NEO1: variants seen among roughly 807,000 people sequenced by gnomAD.
NEO1 encodes neogenin.
Under a neutral mutation model 159.7 loss-of-function variants are expected in NEO1, and 63 were observed. That is an observed-to-expected ratio of 0.39 (90% CI 0.32 to 0.49). The LOEUF is 0.49. NEO1 is among the 20% of genes least tolerant of loss of function. The probability of loss-of-function intolerance (pLI) is 0.85; values close to 1 mark genes in which losing one functional copy is unlikely to be tolerated. For synonymous variants in NEO1, 633 were observed against 662.0 expected (o/e 0.96, Z 0.67); for missense variants, 1,615 against 1,831.0 (o/e 0.88, Z 2.15).
At chr15:73,194,444 A>G (rs539922938) in intron 7 of NEO1, among the ~76,000 whole-genome samples, 5 of 152,288 alleles carry the variant, frequency 3.3e-5, no homozygotes, top group Admixed American at 2.0e-4. Context: ...TCTGCTTCCA[A>G]TGAGGGCTTC....
chr15:73,253,978 G>A (rs2415148), intron 12 of NEO1, among the ~76,000 whole-genome samples: 46,687 of 152,082 alleles, frequency 0.31, 8,796 homozygotes, highest in Admixed American at 0.44. Flanking sequence ...CCTCTCAGAG[G>A]CCCAGAGCCC....
Position 73,244,508 on chromosome 15 carries a change from C to T in NEO1, c.1606+10C>T, listed in dbSNP as rs1326427199. On this transcript the variant is annotated intron_variant, in intron 9 of 28. Coordinates refer to ENST00000261908, the MANE Select transcript of NEO1 (RefSeq NM_002499.4). Reference sequence around the variant, plus strand: ...GAAACACAACCTGAGGGTAAGTCTTCCACCTGTCTGTCAGCACCCCCTAGA... The same window carrying T: ...GAAACACAACCTGAGGGTAAGTCTTTCACCTGTCTGTCAGCACCCCCTAGA... 3 of 1,612,342 alleles carry T rather than the reference C, an allele frequency of 1.9e-6. No homozygotes were observed. The highest frequency in any genetic ancestry group is 4.5e-5 in the East Asian group (2 of 44,830).
At chr15:73,175,515 T>C (rs1490433675) in intron 5 of NEO1, among the ~76,000 whole-genome samples, 1 of 152,130 alleles carries the variant, frequency 6.6e-6, no homozygotes, top group Non-Finnish European at 1.5e-5. Context: ...TTCAACACAA[T>C]CCCAATCAAA....
At chr15:73,223,959 A>G (rs1176053942) in intron 7 of NEO1, among the ~76,000 whole-genome samples, 1 of 152,212 alleles carries the variant, frequency 6.6e-6, no homozygotes, top group Non-Finnish European at 1.5e-5. Context: ...TTCAAGATGT[A>G]GAGCTCCTTT....
At chr15:73,239,890 C>T (rs1247040771) in intron 8 of NEO1, among the ~76,000 whole-genome samples, 1 of 152,004 alleles carries the variant, frequency 6.6e-6, no homozygotes, top group Non-Finnish European at 1.5e-5. Context: ...TATGTAAATG[C>T]CTAAAGCAGT....
intron 1 of NEO1, among the ~76,000 whole-genome samples, chr15:73,095,294 A>G (rs917068683): frequency 6.6e-6 from 1 of 152,072 alleles, no homozygotes; most frequent in African/African-American, 2.4e-5. Context: ...TGATTTTTAC[A>G]TTTTGAAAGT....
chr15:73,254,413 T>C (rs1241800265), intron 12 of NEO1, among the ~76,000 whole-genome samples: 1 of 152,182 alleles, frequency 6.6e-6, no homozygotes, highest in African/African-American at 2.4e-5. Flanking sequence ...TCTGAGACTT[T>C]TATCCAACAT....
intron 21 of NEO1, among the ~76,000 whole-genome samples, chr15:73,276,787 A>G (rs75250079): frequency 0.022 from 3,289 of 152,292 alleles, 156 homozygotes; most frequent in East Asian, 0.19. Context: ...CATTAGCTCT[A>G]ATGTTTTGCA....
At position 73,167,365 on chromosome 15, in the gene NEO1, A is replaced by G. The variant is rs1010082586; in HGVS notation, c.1016-9038A>G. Among the ~76,000 whole-genome samples the G allele has an allele frequency of 2.6e-5, 4 of 151,604 alleles. No homozygotes were observed. In the South Asian group the frequency reaches 6.2e-4, roughly 24 times the overall value. ...TCCTTGGCTATTGTTTTAAGCTGCT[A>G]TTACCCTCTTGCTTATCAAGTTGTT... On this transcript the variant is annotated intron_variant, in intron 5 of 28. Transcript: ENST00000261908.
chr15:73,289,303 T>C (rs776844691), intron 25 of NEO1, 65 bp downstream of exon 25: 6 of 1,345,642 alleles, frequency 4.5e-6, no homozygotes, highest in Non-Finnish European at 5.3e-6. Flanking sequence ...GGAACAACTA[T>C]GAATGATCTT....
intron 5 of NEO1, among the ~76,000 whole-genome samples, chr15:73,139,898 T>C (rs1473476822): frequency 2.0e-5 from 3 of 152,202 alleles, no homozygotes; most frequent in Admixed American, 6.5e-5. Context: ...ACTGTCTGGC[T>C]CTTTACAGAA....
intron 25 of NEO1, among the ~76,000 whole-genome samples, chr15:73,291,206 G>A (rs1318225578): frequency 1.3e-5 from 2 of 152,106 alleles, no homozygotes; most frequent in Non-Finnish European, 2.9e-5. Flanking sequence ...TCAAGAAGAT[G>A]CTAGCACTAT....
intron 7 of NEO1, among the ~76,000 whole-genome samples, chr15:73,208,090 A>C (rs1015338927): frequency 3.9e-5 from 6 of 152,272 alleles, no homozygotes; most frequent in African/African-American, 1.4e-4. Flanking sequence ...AATGGATTAC[A>C]ATATGGAAGG....
rs10623334 is a variant in NEO1, at chr15:73,257,132, C to CAAAAAAAAAAA, written c.2093-1623_2093-1613dup. Among the ~76,000 whole-genome samples, 344 of 54,750 alleles carry CAAAAAAAAAAA rather than the reference C, an allele frequency of 6.3e-3. 42 individuals carry two copies. The highest frequency in any genetic ancestry group is 0.018 in the African/African-American group (317 of 17,160). The allele number at this position is 54,750 out of a possible 152,430, so 35.9% of individuals were successfully genotyped here. A position where few individuals can be genotyped will look rare whatever the true frequency, so the allele number is the denominator to read the frequency against. On this transcript the variant is annotated intron_variant, in intron 13 of 28. Coordinates refer to ENST00000261908, the MANE Select transcript of NEO1 (RefSeq NM_002499.4). ...GGGCAACAGAGAGAGACTCTGTCTC[C>CAAAAAAAAAAA]AAAAAAAAAAAAAAAAAAAAAGTTT...
At chr15:73,108,426 G>A (rs377205867) in intron 1 of NEO1, among the ~76,000 whole-genome samples, 20 of 152,262 alleles carry the variant, frequency 1.3e-4, no homozygotes, top group Non-Finnish European at 2.4e-4. Context: ...TGGAGACTAA[G>A]GCTGATCTTA....
chr15:73,213,346 C>A (rs1285720651), intron 7 of NEO1, among the ~76,000 whole-genome samples: 1 of 152,072 alleles, frequency 6.6e-6, no homozygotes, highest in East Asian at 1.9e-4. Flanking sequence ...TAGTGGTGAT[C>A]TGTGAGATTT....
chr15:73,126,588 A>G lies in NEO1; in HGVS notation c.878+18A>G. ...ACAGAAAGGTAAGTGTTGTCTGCCTAAAAGCCTTCTTCAGCCTTAGCTTGA... is the reference window on the plus strand; with the variant it reads ...ACAGAAAGGTAAGTGTTGTCTGCCTGAAAGCCTTCTTCAGCCTTAGCTTGA... On this transcript the variant is annotated intron_variant, in intron 4 of 28. Coordinates refer to ENST00000261908, the MANE Select transcript of NEO1 (RefSeq NM_002499.4). 1 of 1,606,702 alleles carries G rather than the reference A, an allele frequency of 6.2e-7. No individual in the cohort carries two copies. The highest frequency in any genetic ancestry group is 8.5e-7 in the Non-Finnish European group (1 of 1,177,300).
intron 1 of NEO1, among the ~76,000 whole-genome samples, chr15:73,061,996 A>C (rs1178765577): frequency 6.6e-6 from 1 of 152,252 alleles, no homozygotes; most frequent in African/African-American, 2.4e-5. Context: ...CCACGTTTAT[A>C]AATGTCCCCA....
chr15:73,262,558 T>A (rs992460524), intron 15 of NEO1, among the ~76,000 whole-genome samples: 1 of 152,162 alleles, frequency 6.6e-6, no homozygotes, highest in African/African-American at 2.4e-5. Flanking sequence ...AATGAAATGC[T>A]ATTGCACACC....
Sources: gnomAD v4.1 joint callset for allele counts (sites outside exome capture counted in the v4.1 genomes callset) on GRCh38, gnomAD v4.1.1 for gene constraint, MANE v1.5 for transcripts, NCBI Gene and HGNC (gene_info 2026-07-23, HGNC 2026-07-21) for gene names.